The following TMEM114 variants were observed in gnomAD, a reference collection of about 807,000 sequenced individuals.
TMEM114 encodes the protein transmembrane protein 114, also known as claudin-26.
A neutral mutation model predicts 6.2 loss-of-function variants in TMEM114; 6 were observed. The ratio of observed to expected loss-of-function variants is 0.97; its 90% CI spans 0.53 to 1.91. TMEM114 has a LOEUF of 1.91. Among genes scored for constraint, TMEM114 ranks in the 40% most tolerant of loss-of-function variants. The pLI is 0.01. For missense variants in TMEM114, 218 were observed against 158.3 expected (o/e 1.38, Z -2.02); for synonymous variants, 104 against 73.0 (o/e 1.42, Z -2.16).
chr16:8,568,620 G>A (rs942895872), downstream of TMEM114, among the ~76,000 whole-genome samples: 3 of 152,146 alleles, frequency 2.0e-5, no homozygotes, highest in Admixed American at 6.5e-5. Context: ...GTTGATAATC[G>A]TGTTGTCATC....
chr16:8,560,170 T>TA (rs973961684), intron 2 of TMEM114, among the ~76,000 whole-genome samples: 5 of 146,236 alleles, frequency 3.4e-5, no homozygotes, highest in Non-Finnish European at 7.5e-5. Context: ...TTTTTATTAT[T>TA]TTTTTTTTGT....
chr16:8,532,427 G>C, the TMEM114 span, among the ~76,000 whole-genome samples: 7 of 152,072 alleles, frequency 4.6e-5, no homozygotes, highest in Non-Finnish European at 4.4e-5. Flanking sequence ...TCTGACCCTA[G>C]TATTATGATC....
chr16:8,531,802 T>C, the TMEM114 span: 1 of 152,198 alleles, frequency 6.6e-6, no homozygotes, highest in African/African-American at 2.4e-5. Context: ...GAAAACTGAA[T>C]AGTCTGTGAA....
At chr16:8,560,626 G>T (rs1242684773) in intron 2 of TMEM114, among the ~76,000 whole-genome samples, 1 of 152,142 alleles carries the variant, frequency 6.6e-6, no homozygotes, top group Non-Finnish European at 1.5e-5. Context: ...GTCTCACCCT[G>T]GTTTCTCTCA....
chr16:8,564,207 G>A (rs1159111927), intron 2 of TMEM114, among the ~76,000 whole-genome samples: 26 of 138,506 alleles, frequency 1.9e-4, no homozygotes, highest in Non-Finnish European at 2.7e-4. Context: ...GTGAGTGGGT[G>A]AATGAGTGAG....
chr16:8,566,363 C>A, downstream of TMEM114, among the ~76,000 whole-genome samples: 1 of 123,052 alleles, frequency 8.1e-6, no homozygotes, highest in Non-Finnish European at 1.7e-5. Context: ...GGTGACAGAG[C>A]TAGACGCAGT....
chr16:8,555,119 G>T (rs536557877), intron 2 of TMEM114, among the ~76,000 whole-genome samples: 1 of 152,216 alleles, frequency 6.6e-6, no homozygotes, highest in East Asian at 1.9e-4. Flanking sequence ...GCCCATGTGA[G>T]TTGGTGTTTA....
chr16:8,534,501 T>A (rs191060393), downstream of TMEM114, among the ~76,000 whole-genome samples: 1 of 152,316 alleles, frequency 6.6e-6, no homozygotes, highest in African/African-American at 2.4e-5. Flanking sequence ...GTCTCTCCAA[T>A]GCACCTACAT....
rs1265013837 is a variant in TMEM114, at chr16:8,569,936, C to G, written c.509G>C (p.Cys170Ser). The change falls in exon 4 of 4, where the codon TGT (cysteine) becomes TCT (serine). Residue 170 changes from cysteine to serine, a missense_variant. Physicochemically the swap from Cys to Ser is moderately radical, Grantham distance 112. Transcript: ENST00000620492. ...YSAAAFREAL[C>S]LLEEKALLDQ... is the part of the protein sequence containing the mutation. The stretch of plus-strand genomic sequence containing the variant: ...CAGGAGGGCCTTCTCCTCCAAGAGA[C>G]ACAGCGCCTCCCGGAAGGCGGCGGC... 1.5e-5 allele frequency: 23 copies of G among 1,551,036 alleles called. No homozygotes were observed. The East Asian group carries it at 5.4e-4, about 36-fold the overall frequency.
At chr16:8,546,986 A>G (rs13338028) in intron 2 of TMEM114, among the ~76,000 whole-genome samples, 45,262 of 152,114 alleles carry the variant, frequency 0.3, 6,973 homozygotes, top group East Asian at 0.37. Flanking sequence ...AGCCTTGGGT[A>G]AAGGTATCTA....
chr16:8,589,060 G>C (rs1310707907), intron 2 of TMEM114, among the ~76,000 whole-genome samples, 153 bp downstream of exon 2: 1 of 152,198 alleles, frequency 6.6e-6, no homozygotes, highest in Non-Finnish European at 1.5e-5. Flanking sequence ...CTGCCCCCCG[G>C]TCTTAAGCCC....
chr16:8,547,083 C>G (rs947581671), intron 2 of TMEM114, among the ~76,000 whole-genome samples: 2 of 152,206 alleles, frequency 1.3e-5, no homozygotes, highest in African/African-American at 4.8e-5. Context: ...TAAGTGTCCT[C>G]AGGCTCTTTT....
downstream of TMEM114, chr16:8,569,365 C>CG: frequency 1.3e-6 from 1 of 746,624 alleles, no homozygotes; most frequent in Non-Finnish European, 1.7e-6. Context: ...GAGAGCTGAA[C>CG]GCATTACAGG....
intron 2 of TMEM114, among the ~76,000 whole-genome samples, chr16:8,556,278 C>T (rs1257946522): frequency 6.6e-6 from 1 of 152,168 alleles, no homozygotes; most frequent in South Asian, 2.1e-4. Context: ...TGCTCCAGCC[C>T]ATCACTCAAG....
chr16:8,545,636 G>A (rs985251667), intron 2 of TMEM114, among the ~76,000 whole-genome samples: 1 of 152,166 alleles, frequency 6.6e-6, no homozygotes. Context: ...CATTAGTGGG[G>A]TCTGAGAATT....
chr16:8,555,155 C>G (rs1281211930), intron 2 of TMEM114, among the ~76,000 whole-genome samples: 1 of 152,214 alleles, frequency 6.6e-6, no homozygotes, highest in Non-Finnish European at 1.5e-5. Context: ...GAGCTCTTCT[C>G]TCTTCACATG....
the TMEM114 span, among the ~76,000 whole-genome samples, chr16:8,527,974 C>G: frequency 2.0e-5 from 3 of 152,076 alleles, no homozygotes; most frequent in African/African-American, 7.2e-5. Flanking sequence ...GTGGTGCGAT[C>G]TCAGCTCACT....
intron 2 of TMEM114, among the ~76,000 whole-genome samples, chr16:8,553,221 C>G (rs1337295829): frequency 2.6e-5 from 4 of 152,216 alleles, no homozygotes; most frequent in African/African-American, 9.6e-5. Context: ...CCCTGCTTTC[C>G]AGACCAAGAA....
chr16:8,558,340 T>C (rs1901083004), intron 2 of TMEM114, among the ~76,000 whole-genome samples: 1 of 152,190 alleles, frequency 6.6e-6, no homozygotes, highest in Non-Finnish European at 1.5e-5. Context: ...CTTCTTTGCC[T>C]ATTCCAGCTC....
Sources: allele counts gnomAD v4.1 joint callset (sites outside exome capture counted in the v4.1 genomes callset), GRCh38; gene constraint gnomAD v4.1.1; transcripts MANE v1.5; gene names NCBI Gene and HGNC (gene_info 2026-07-23, HGNC 2026-07-21).